The following UBE2V2 variants were observed in gnomAD, a reference collection of about 807,000 sequenced individuals.
The protein encoded by UBE2V2 is ubiquitin-conjugating enzyme E2 variant 2.
UBE2V2 carries 9 observed loss-of-function variants against 17.2 expected under a neutral mutation model. The observed-to-expected ratio is 0.52, with a 90% CI of 0.32 to 0.91. UBE2V2 has a LOEUF of 0.91. UBE2V2 is among the 40% of genes least tolerant of loss of function. The pLI, the probability that UBE2V2 is intolerant of heterozygous loss-of-function variation, is 0.04. For missense variants in UBE2V2, 133 were observed against 182.6 expected, an observed-to-expected ratio of 0.73 and a Z score of 1.56; for synonymous variants, 61 against 57.5, an observed-to-expected ratio of 1.06 and a Z score of -0.28.
chr8:48,017,968 T>G (rs551658596), intron 1 of UBE2V2, among the ~76,000 whole-genome samples: 79 of 151,792 alleles, frequency 5.2e-4, no homozygotes, highest in African/African-American at 1.7e-3. Flanking sequence ...CCCGAGTAGC[T>G]GGGACTACAG....
intron 1 of UBE2V2, among the ~76,000 whole-genome samples, chr8:48,023,875 C>G (rs1264087921): frequency 1.3e-5 from 2 of 151,686 alleles, no homozygotes; most frequent in Admixed American, 1.3e-4. Context: ...GACCCTGTCT[C>G]AAAAAAACAA....
At chr8:48,055,427 C>T (rs1053159600) in intron 3 of UBE2V2, among the ~76,000 whole-genome samples, 1 of 151,890 alleles carries the variant, frequency 6.6e-6, no homozygotes, top group African/African-American at 2.4e-5. Flanking sequence ...TCTTGAACTC[C>T]TGATTTCAGG....
chr8:48,008,509 A>T (rs754740953), intron 1 of UBE2V2, 39 bp downstream of exon 1: 2 of 1,555,876 alleles, frequency 1.3e-6, no homozygotes, highest in South Asian at 1.2e-5. Flanking sequence ...TTCCGCTCCG[A>T]CCCGGCTCTG....
chr8:48,005,445 T>C (rs954938711), upstream of UBE2V2, among the ~76,000 whole-genome samples: 3 of 152,202 alleles, frequency 2.0e-5, no homozygotes, highest in Non-Finnish European at 2.9e-5. Context: ...TGGTTCCAAG[T>C]CTTTGCTATT....
chr8:48,011,691 G>T (rs896383500), intron 1 of UBE2V2, among the ~76,000 whole-genome samples: 6 of 152,088 alleles, frequency 3.9e-5, no homozygotes, highest in African/African-American at 9.7e-5. Context: ...TTGCTGTGTT[G>T]CCCAGGTTGG....
intron 2 of UBE2V2, among the ~76,000 whole-genome samples, chr8:48,049,237 TA>T (rs2091519481): frequency 6.6e-6 from 1 of 152,184 alleles, no homozygotes; most frequent in African/African-American, 2.4e-5. Context: ...ACAGGGGACA[TA>T]AAATAATTAT....
intron 1 of UBE2V2, among the ~76,000 whole-genome samples, chr8:48,014,917 A>G (rs2091258317): frequency 6.6e-6 from 1 of 151,486 alleles, no homozygotes; most frequent in Non-Finnish European, 1.5e-5. Context: ...GGGCGTGGTG[A>G]CAGGCACCTG....
Position 48,064,245 on chromosome 8 carries a change from T to C in UBE2V2, c.*3417T>C, listed in dbSNP as rs555522319. 5.9e-5 allele frequency: 9 copies of C among 152,344 alleles called. No individual in the cohort carries two copies. In the East Asian group the frequency reaches 1.7e-3, roughly 29 times the overall value. 9.4% of individuals were successfully genotyped at this position (152,344 alleles called of 1,614,324 possible). A position where few individuals can be genotyped will look rare whatever the true frequency, so the allele number is the denominator to read the frequency against. ...TAGTATCATTTATTGCTGGGATGGA[T>C]CGAAAAGCACTGCTTTTACTTTTCT... On this transcript the variant is annotated 3_prime_UTR_variant, in exon 4 of 4. Coordinates refer to ENST00000523111, the MANE Select transcript of UBE2V2 (RefSeq NM_003350.3).
intron 1 of UBE2V2, among the ~76,000 whole-genome samples, chr8:48,010,457 A>G (rs916932378): frequency 1.4e-5 from 2 of 146,132 alleles, no homozygotes; most frequent in African/African-American, 2.6e-5. Flanking sequence ...GCTGGAGTGC[A>G]GTGGCGCGAT....
rs2091387124 is a variant in UBE2V2, at chr8:48,032,044, A to C, written c.17-10989A>C. On this transcript the variant is annotated intron_variant, in intron 1 of 3. Coordinates refer to ENST00000523111, the MANE Select transcript of UBE2V2 (RefSeq NM_003350.3). ...TGTAGTTTAATTGGTAGAGTGTTTA[A>C]ATTTTTTAAAATTATGGTATCATGT... Among the ~76,000 whole-genome samples, 4 of 152,312 alleles carry C rather than the reference A, an allele frequency of 2.6e-5. No individual in the cohort carries two copies. The South Asian group carries it at 8.3e-4, about 32-fold the overall frequency.
intron 1 of UBE2V2, among the ~76,000 whole-genome samples, chr8:48,014,234 G>T (rs28488251): frequency 0.029 from 4,383 of 152,222 alleles, 221 homozygotes; most frequent in African/African-American, 0.098. Flanking sequence ...GCAGTTGGCA[G>T]AGGTAAAAAT....
intron 1 of UBE2V2, among the ~76,000 whole-genome samples, chr8:48,037,582 T>A (rs1563855353): frequency 6.6e-6 from 1 of 152,234 alleles, no homozygotes; most frequent in Non-Finnish European, 1.5e-5. Context: ...CTCCTCCTTC[T>A]TACGCTTCTC....
intron 1 of UBE2V2, among the ~76,000 whole-genome samples, chr8:48,020,283 C>G (rs916017332): frequency 2.0e-5 from 3 of 151,982 alleles, no homozygotes; most frequent in African/African-American, 7.2e-5. Context: ...ACAATTTTCC[C>G]TCCTTGGCCT....
chr8:48,005,007 T>C (rs1280473086), upstream of UBE2V2, among the ~76,000 whole-genome samples: 1 of 150,590 alleles, frequency 6.6e-6, no homozygotes, highest in East Asian at 1.9e-4. Flanking sequence ...TTTTTTCTCT[T>C]AACTACTTTT....
intron 1 of UBE2V2, among the ~76,000 whole-genome samples, chr8:48,034,128 C>CTTTTT: frequency 7.3e-6 from 1 of 136,312 alleles, no homozygotes; most frequent in African/African-American, 3.0e-5. Context: ...TTTTCTTTTC[C>CTTTTT]TTTTTTTTTT....
chr8:48,045,891 C>T (rs1261179669), intron 2 of UBE2V2, among the ~76,000 whole-genome samples: 1 of 152,154 alleles, frequency 6.6e-6, no homozygotes, highest in African/African-American at 2.4e-5. Context: ...ATGTTGAGAA[C>T]AATTTTGTCC....
At chr8:48,028,210 C>T (rs532495676) in intron 1 of UBE2V2, among the ~76,000 whole-genome samples, 10 of 152,052 alleles carry the variant, frequency 6.6e-5, no homozygotes, top group East Asian at 5.8e-4. Flanking sequence ...CATTGTCATC[C>T]AGGCCGGAGT....
At chr8:48,017,220 T>A (rs1443749497) in intron 1 of UBE2V2, among the ~76,000 whole-genome samples, 2 of 152,202 alleles carry the variant, frequency 1.3e-5, no homozygotes, top group African/African-American at 4.8e-5. Context: ...TGGCCATTTG[T>A]ATGTCTTTTG....
chr8:48,001,068 A>G, the UBE2V2 span, among the ~76,000 whole-genome samples: 1 of 152,110 alleles, frequency 6.6e-6, no homozygotes, highest in African/African-American at 2.4e-5. Context: ...AAACCAACCG[A>G]GTGCGCTCCC....
Sources: gnomAD v4.1 joint callset for allele counts (sites outside exome capture counted in the v4.1 genomes callset) on GRCh38, gnomAD v4.1.1 for gene constraint, MANE v1.5 for transcripts, NCBI Gene and HGNC (gene_info 2026-07-23, HGNC 2026-07-21) for gene names.